The following EEPD1 variants were observed in gnomAD, a reference collection of about 807,000 sequenced individuals.
EEPD1 encodes the protein endonuclease/exonuclease/phosphatase family domain-containing protein 1.
In EEPD1, 17 loss-of-function variants were observed where a neutral mutation model predicts 46.3. The ratio of observed to expected loss-of-function variants is 0.37; its 90% CI spans 0.25 to 0.55. The LOEUF (loss-of-function observed/expected upper bound fraction) is 0.55, where lower values mean the gene tolerates loss of function less well. EEPD1 is among the 20% of genes least tolerant of loss of function. The pLI is 0.83. For synonymous variants in EEPD1, 313 were observed against 315.6 expected (o/e 0.99, Z 0.09); for missense variants, 673 against 745.6 (o/e 0.90, Z 1.13).
At chr7:36,243,813 C>T (rs973828129) in intron 3 of EEPD1, among the ~76,000 whole-genome samples, 1 of 150,240 alleles carries the variant, frequency 6.7e-6, no homozygotes, top group Non-Finnish European at 1.5e-5. Flanking sequence ...AACCAAACAC[C>T]GCATGTTCTC....
At chr7:36,180,854 C>T (rs1785259621) in intron 2 of EEPD1, among the ~76,000 whole-genome samples, 1 of 152,026 alleles carries the variant, frequency 6.6e-6, no homozygotes, top group South Asian at 2.1e-4. Flanking sequence ...TCAGGCCCCC[C>T]ACCCCCTCAT....
intron 3 of EEPD1, among the ~76,000 whole-genome samples, chr7:36,273,646 C>T (rs1329118677): frequency 6.6e-6 from 1 of 152,138 alleles, no homozygotes; most frequent in Non-Finnish European, 1.5e-5. Flanking sequence ...GCTAGCCCCT[C>T]CCTCCTGCCT....
intron 3 of EEPD1, among the ~76,000 whole-genome samples, chr7:36,269,919 G>T (rs965916830): frequency 6.6e-6 from 1 of 152,142 alleles, no homozygotes; most frequent in African/African-American, 2.4e-5. Flanking sequence ...GGTGATTTTA[G>T]GATGTTTCAT....
intron 2 of EEPD1, among the ~76,000 whole-genome samples, chr7:36,176,102 G>A (rs1367795472): frequency 6.6e-6 from 1 of 152,206 alleles, no homozygotes; most frequent in East Asian, 1.9e-4. Context: ...GACTTCCTGA[G>A]TAAAGGAGGA....
At chr7:36,245,544 G>A (rs1001733385) in intron 3 of EEPD1, among the ~76,000 whole-genome samples, 1 of 152,118 alleles carries the variant, frequency 6.6e-6, no homozygotes, top group African/African-American at 2.4e-5. Context: ...GGAGGTGGGG[G>A]CCCCTTGTGG....
chr7:36,216,857 A>G (rs1168270061), intron 2 of EEPD1, among the ~76,000 whole-genome samples: 1 of 152,392 alleles, frequency 6.6e-6, no homozygotes, highest in East Asian at 1.9e-4. Context: ...ATTTTATTAA[A>G]TGTATACATT....
chr7:36,154,656 C>T lies in EEPD1; in HGVS notation c.332C>T (p.Pro111Leu). ...SSKGSSAQHS[P>L]SSLRRDLLAE... ...AAGGGCAGCTCAGCGCAGCACTCTC[C>T]CAGTTCCCTGCGGCGGGACCTGCTA... The change falls in exon 2 of 8, where the codon CCC becomes CTC. Residue 111 changes from proline (P) to leucine (L), a missense_variant. Physicochemically the swap from Pro to Leu is moderately conservative, Grantham distance 98. Coordinates refer to ENST00000242108, the MANE Select transcript of EEPD1 (RefSeq NM_030636.3). This position sits in a 1 kb window ranked among gnomAD's most constrained non-coding sequence, Gnocchi z 4.2. The T allele has an allele frequency of 6.2e-7, 1 of 1,613,934 alleles. No homozygotes were observed. Among genetic ancestry groups the T allele is most frequent in the Non-Finnish European group, 8.5e-7 (1 of 1,180,014 alleles).
chr7:36,178,838 A>G (rs1212287749), intron 2 of EEPD1, among the ~76,000 whole-genome samples: 1 of 152,220 alleles, frequency 6.6e-6, no homozygotes, highest in African/African-American at 2.4e-5. Flanking sequence ...TTCCTGTCTT[A>G]ATTGCTCCAG....
intron 3 of EEPD1, among the ~76,000 whole-genome samples, chr7:36,280,584 C>T (rs751065415): frequency 3.3e-5 from 5 of 152,148 alleles, no homozygotes; most frequent in African/African-American, 4.8e-5. Flanking sequence ...AAGTGCATGC[C>T]GCGTGCACGT....
intron 6 of EEPD1, among the ~76,000 whole-genome samples, chr7:36,295,841 G>A (rs370242338): frequency 2.7e-4 from 41 of 152,064 alleles, no homozygotes; most frequent in African/African-American, 9.9e-4. Flanking sequence ...GATCAGCCTG[G>A]CCAACATGGT....
chr7:36,235,702 T>C (rs1786420145), intron 2 of EEPD1, among the ~76,000 whole-genome samples: 1 of 152,260 alleles, frequency 6.6e-6, no homozygotes, highest in Non-Finnish European at 1.5e-5. Flanking sequence ...TTGCAAGCGA[T>C]GGCTTTAGCT....
At chr7:36,271,605 T>C (rs1317501066) in intron 3 of EEPD1, among the ~76,000 whole-genome samples, 1 of 151,922 alleles carries the variant, frequency 6.6e-6, no homozygotes, top group African/African-American at 2.4e-5. Context: ...GCAGAAGCTC[T>C]TTAGTTTAAT....
intron 6 of EEPD1, among the ~76,000 whole-genome samples, chr7:36,291,473 T>A (rs997084188): frequency 6.6e-6 from 1 of 152,166 alleles, no homozygotes; most frequent in Non-Finnish European, 1.5e-5. Flanking sequence ...ACCTGCCCCA[T>A]GGGTCGTGGC....
At chr7:36,278,592 C>T (rs541969708) in intron 3 of EEPD1, among the ~76,000 whole-genome samples, 9 of 152,146 alleles carry the variant, frequency 5.9e-5, no homozygotes, top group African/African-American at 1.7e-4. Flanking sequence ...GGACCCCCTG[C>T]GAGGAAAACA....
intron 2 of EEPD1, among the ~76,000 whole-genome samples, chr7:36,186,817 C>T (rs1785365415): frequency 6.6e-6 from 1 of 152,216 alleles, no homozygotes; most frequent in African/African-American, 2.4e-5. Context: ...ATTCTTTCAG[C>T]AGTCTTACAA....
chr7:36,170,873 C>A (rs1454357807), intron 2 of EEPD1, among the ~76,000 whole-genome samples: 3 of 152,098 alleles, frequency 2.0e-5, no homozygotes, highest in Non-Finnish European at 2.9e-5. Context: ...TATCTTCTCA[C>A]TCGGAGTAGA....
intron 7 of EEPD1, 57 bp downstream of exon 7, chr7:36,297,244 G>A (rs940018002): frequency 1.9e-4 from 303 of 1,578,246 alleles, no homozygotes; most frequent in Admixed American, 9.2e-4. Context: ...AGAGAAACAT[G>A]TCTGAACTGA....
chr7:36,183,775 C>G (rs951379708), intron 2 of EEPD1, among the ~76,000 whole-genome samples: 1 of 152,056 alleles, frequency 6.6e-6, no homozygotes, highest in Admixed American at 6.6e-5. Context: ...GCTGGGATTA[C>G]AGGCATGAGC....
chr7:36,212,823 A>G (rs960828060), intron 2 of EEPD1, among the ~76,000 whole-genome samples: 8 of 152,192 alleles, frequency 5.3e-5, no homozygotes, highest in Non-Finnish European at 1.2e-4. Flanking sequence ...TAACAAGCAT[A>G]TATTTTATCA....
Sources: gnomAD v4.1 joint callset for allele counts (sites outside exome capture counted in the v4.1 genomes callset) on GRCh38, gnomAD v4.1.1 for gene constraint, Gnocchi (gnomAD v3.1) non-coding constraint, MANE v1.5 for transcripts, NCBI Gene and HGNC (gene_info 2026-07-23, HGNC 2026-07-21) for gene names.